Variants in CTNNA2 observed in about 807,000 individuals in gnomAD.
CTNNA2 encodes the protein catenin alpha 2.
A neutral mutation model predicts 101.0 loss-of-function variants in CTNNA2; 42 were observed. The ratio of observed to expected loss-of-function variants is 0.42; its 90% CI spans 0.32 to 0.54. CTNNA2 has a LOEUF of 0.54. Among genes scored for constraint, CTNNA2 ranks in the 20% least tolerant of loss-of-function variants. The pLI is 0.14. For missense variants in CTNNA2, 871 were observed against 1,223.1 expected (o/e 0.71, Z 4.29); for synonymous variants, 450 against 456.4 (o/e 0.99, Z 0.18).
intron 7 of CTNNA2, among the ~76,000 whole-genome samples, chr2:80,049,550 TC>T: frequency 6.6e-6 from 1 of 152,314 alleles, no homozygotes; most frequent in Admixed American, 6.5e-5. Flanking sequence ...CATTGTGAAC[TC>T]AGCTGTTCAT....
chr2:80,611,955 A>G (rs960404734), intron 17 of CTNNA2, among the ~76,000 whole-genome samples: 4 of 151,748 alleles, frequency 2.6e-5, no homozygotes, highest in African/African-American at 9.6e-5. Flanking sequence ...AATAGATTTT[A>G]TTACATATAA....
intron 7 of CTNNA2, among the ~76,000 whole-genome samples, chr2:79,997,935 TAGAA>T (rs1171911977): frequency 5.4e-4 from 82 of 152,260 alleles, no homozygotes; most frequent in African/African-American, 1.9e-3. Context: ...CTTTCCTGCT[TAGAA>T]AGAGAAGGCT....
chr2:80,094,956 C>T (rs188237427), intron 7 of CTNNA2, among the ~76,000 whole-genome samples: 38 of 152,270 alleles, frequency 2.5e-4, no homozygotes, highest in African/African-American at 8.9e-4. Flanking sequence ...CAAACAGGGA[C>T]CATTTGACTT....
At chr2:80,180,159 G>A (rs1487463007) in intron 7 of CTNNA2, among the ~76,000 whole-genome samples, 2 of 152,136 alleles carry the variant, frequency 1.3e-5, no homozygotes, top group African/African-American at 4.8e-5. Context: ...GGGCAAGGAT[G>A]GGAGAAAGAT....
intron 2 of CTNNA2, among the ~76,000 whole-genome samples, chr2:79,686,869 C>T (rs1683966703): frequency 6.6e-6 from 1 of 151,968 alleles, no homozygotes; most frequent in Non-Finnish European, 1.5e-5. Flanking sequence ...ATAATTAGAA[C>T]TTATGAATGA....
At chr2:80,210,100 CT>C (rs1436938316) in intron 7 of CTNNA2, among the ~76,000 whole-genome samples, 1 of 152,180 alleles carries the variant, frequency 6.6e-6, no homozygotes, top group African/African-American at 2.4e-5. Context: ...ATAATTCACC[CT>C]AAACACATCT....
At chr2:79,993,675 A>T (rs1692339147) in intron 7 of CTNNA2, among the ~76,000 whole-genome samples, 2 of 152,218 alleles carry the variant, frequency 1.3e-5, no homozygotes, top group South Asian at 4.1e-4. Flanking sequence ...AGAGATGAGA[A>T]GGGTGTTCCA....
At chr2:79,194,313 A>G (rs1466006784) in intron 1 of CTNNA2, among the ~76,000 whole-genome samples, 1 of 152,162 alleles carries the variant, frequency 6.6e-6, no homozygotes, top group East Asian at 1.9e-4. Flanking sequence ...AGGGATTGCA[A>G]GAAGGTGCAT....
At chr2:79,882,416 T>C (rs1574218438) in intron 6 of CTNNA2, among the ~76,000 whole-genome samples, 2 of 152,178 alleles carry the variant, frequency 1.3e-5, no homozygotes, top group East Asian at 3.9e-4. Flanking sequence ...CTGGAGTTAT[T>C]AGAGTTGCTG....
chr2:80,623,365 T>G (rs777858229), intron 18 of CTNNA2, among the ~76,000 whole-genome samples: 84 of 151,946 alleles, frequency 5.5e-4, no homozygotes, highest in Non-Finnish European at 9.4e-4. Flanking sequence ...GGGTGTAATT[T>G]TTTTTGAGCC....
intron 4 of CTNNA2, among the ~76,000 whole-genome samples, chr2:79,413,620 T>C (rs1447805233): frequency 1.3e-5 from 2 of 152,088 alleles, no homozygotes; most frequent in Admixed American, 1.3e-4. Flanking sequence ...CTATTTTTAA[T>C]TTTTTGAGGA....
At chr2:80,606,408 AC>A (rs1558638199) in intron 16 of CTNNA2, among the ~76,000 whole-genome samples, 9 of 116,180 alleles carry the variant, frequency 7.7e-5, no homozygotes, top group Non-Finnish European at 1.2e-4. Flanking sequence ...ACACACACAC[AC>A]ACACCCCCCA....
chr2:79,429,703 A>G (rs998333824), intron 4 of CTNNA2, among the ~76,000 whole-genome samples: 3 of 152,176 alleles, frequency 2.0e-5, no homozygotes, highest in African/African-American at 7.2e-5. Context: ...CACAGATTTA[A>G]ACTGAATAAG....
At chr2:79,380,588 A>C (rs1232584162) in intron 4 of CTNNA2, among the ~76,000 whole-genome samples, 1 of 152,104 alleles carries the variant, frequency 6.6e-6, no homozygotes, top group East Asian at 1.9e-4. Context: ...CTTCCATCGG[A>C]GATTTTATTT....
chr2:79,437,954 A>T (rs1293861161), intron 4 of CTNNA2, among the ~76,000 whole-genome samples: 1 of 152,012 alleles, frequency 6.6e-6, no homozygotes, highest in Non-Finnish European at 1.5e-5. Context: ...AGAGGCTATG[A>T]TGGTTTCTGT....
chr2:80,063,665 C>T (rs1697767938), intron 7 of CTNNA2, among the ~76,000 whole-genome samples: 2 of 152,234 alleles, frequency 1.3e-5, no homozygotes, highest in Non-Finnish European at 2.9e-5. Flanking sequence ...CCTTAGAGAA[C>T]ATGCAAACTA....
chr2:80,598,305 G>C (rs895884593), intron 15 of CTNNA2, among the ~76,000 whole-genome samples: 1 of 152,140 alleles, frequency 6.6e-6, no homozygotes, highest in Non-Finnish European at 1.5e-5. Flanking sequence ...CCTGTCAAGG[G>C]TTGGGGAGCA....
intron 9 of CTNNA2, among the ~76,000 whole-genome samples, 191 bp downstream of exon 9, chr2:80,419,792 T>G (rs1401356523): frequency 6.6e-6 from 1 of 152,124 alleles, no homozygotes; most frequent in African/African-American, 2.4e-5. Context: ...ATCTTTCTTT[T>G]ATCTGTCTCA....
intron 9 of CTNNA2, among the ~76,000 whole-genome samples, chr2:80,539,398 G>A (rs1573190138): frequency 7.6e-6 from 1 of 131,902 alleles, no homozygotes; most frequent in Non-Finnish European, 1.6e-5. Flanking sequence ...CTTACAAAGT[G>A]TGCCCAGAAG....
Sources: allele counts gnomAD v4.1 joint callset (sites outside exome capture counted in the v4.1 genomes callset), GRCh38; gene constraint gnomAD v4.1.1; transcripts MANE v1.5; gene names NCBI Gene and HGNC (gene_info 2026-07-23, HGNC 2026-07-21).